DTNB: variants seen among roughly 807,000 people sequenced by gnomAD.
DTNB encodes dystrobrevin beta.
Under a neutral mutation model 90.7 loss-of-function variants are expected in DTNB, and 63 were observed. That is an observed-to-expected ratio of 0.69 (90% CI 0.57 to 0.86). DTNB has a LOEUF of 0.86. Among genes scored for constraint, DTNB ranks in the 40% least tolerant of loss-of-function variants. The pLI, the probability that DTNB is intolerant of heterozygous loss-of-function variation, is 0.00. For missense variants in DTNB, 744 were observed against 807.1 expected (o/e 0.92, Z 0.95); for synonymous variants, 277 against 286.7 (o/e 0.97, Z 0.34).
At chr2:25,621,609 ATTTTTTTT>A (rs758895953) in intron 4 of DTNB, among the ~76,000 whole-genome samples, 1 of 106,000 alleles carries the variant, frequency 9.4e-6, no homozygotes, top group African/African-American at 4.1e-5. Flanking sequence ...TGCCTGGCTA[ATTTTTTTT>A]TTTTTTTTTT....
At chr2:25,484,761 CTCTCTAGGCTAGAAGTCA>C (rs2065785711) in intron 9 of DTNB, among the ~76,000 whole-genome samples, 1 of 152,160 alleles carries the variant, frequency 6.6e-6, no homozygotes, top group Admixed American at 6.5e-5. Flanking sequence ...TGAAATATGC[CTCTCTAGGCTAGAAGTCA>C]ATTCCAAGTT....
intron 4 of DTNB, among the ~76,000 whole-genome samples, chr2:25,621,609 AT>A (rs758895953): frequency 0.037 from 3,918 of 105,988 alleles, 151 homozygotes; most frequent in African/African-American, 0.11. Flanking sequence ...TGCCTGGCTA[AT>A]TTTTTTTTTT....
chr2:25,494,177 A>G (rs945395354), intron 9 of DTNB, among the ~76,000 whole-genome samples: 9 of 152,114 alleles, frequency 5.9e-5, no homozygotes, highest in Non-Finnish European at 8.8e-5. Flanking sequence ...TCTCACTACT[A>G]CTCATGGTGG....
intron 4 of DTNB, among the ~76,000 whole-genome samples, chr2:25,623,512 C>T (rs2073332228): frequency 6.6e-6 from 1 of 152,146 alleles, no homozygotes; most frequent in Non-Finnish European, 1.5e-5. Flanking sequence ...AGCCCAAAGG[C>T]TTCACCTAAA....
At chr2:25,536,276 G>A (rs1330028087) in intron 8 of DTNB, among the ~76,000 whole-genome samples, 2 of 152,208 alleles carry the variant, frequency 1.3e-5, no homozygotes, top group East Asian at 3.9e-4. Flanking sequence ...GCCAGGCAGA[G>A]ATGCTGCTCA....
At chr2:25,497,422 C>T (rs1056784772) in intron 9 of DTNB, 9 of 152,162 alleles carry the variant, frequency 5.9e-5, no homozygotes, top group African/African-American at 1.7e-4. Flanking sequence ...CTTCTAATTG[C>T]CAACTCTTGA....
chr2:25,637,573 G>C (rs1462699000), intron 3 of DTNB, among the ~76,000 whole-genome samples: 1 of 152,184 alleles, frequency 6.6e-6, no homozygotes, highest in African/African-American at 2.4e-5. Context: ...CTTCTCAAAA[G>C]AAAACATTTA....
chr2:25,397,877 CA>C (rs56318909), intron 16 of DTNB, among the ~76,000 whole-genome samples: 1,286 of 73,114 alleles, frequency 0.018, 11 homozygotes, highest in African/African-American at 0.048. Context: ...AAGACTGTCT[CA>C]AAAAAAAAAA....
rs2076750143 is a variant in DTNB, at chr2:25,634,679, G to T, written c.148+4335C>A. On this transcript the variant is annotated intron_variant, in intron 3 of 20. Transcript: ENST00000406818. ...TGCCGTGTCTGTGTAGAAAGAGGTA[G>T]ACATGGGAGACTTCTCATTTTGTTC... is the stretch of plus-strand genomic sequence containing the variant. Among the ~76,000 whole-genome samples, 2 of 116,116 alleles carry T rather than the reference G, an allele frequency of 1.7e-5. 1 individual carries two copies. The highest frequency in any genetic ancestry group is 5.4e-5 in the African/African-American group (2 of 37,258). The allele number at this position is 116,116 out of a possible 152,430, so 76.2% of individuals were successfully genotyped here.
intron 8 of DTNB, among the ~76,000 whole-genome samples, chr2:25,536,602 C>T (rs998794731): frequency 5.3e-5 from 8 of 151,960 alleles, no homozygotes; most frequent in East Asian, 1.9e-4. Context: ...CTCAGCAGGC[C>T]GAGGCAAGAG....
chr2:25,551,340 G>GAA (rs2151106528), intron 8 of DTNB, among the ~76,000 whole-genome samples: 1 of 152,268 alleles, frequency 6.6e-6, no homozygotes, highest in Non-Finnish European at 1.5e-5. Context: ...GTATAAATCT[G>GAA]CTTTTGATAT....
intron 1 of DTNB, 110 bp from the exon 2 acceptor site, chr2:25,652,771 T>A: frequency 1.9e-6 from 2 of 1,034,506 alleles, no homozygotes; most frequent in Middle Eastern, 2.1e-4. Context: ...AATGCACATT[T>A]TAAGACAGTA....
intron 1 of DTNB, among the ~76,000 whole-genome samples, chr2:25,667,005 T>C (rs2084609272): frequency 6.6e-6 from 1 of 151,964 alleles, no homozygotes; most frequent in Non-Finnish European, 1.5e-5. Flanking sequence ...GGATCGAAAA[T>C]AGCCCAATTA....
Position 25,379,339 on chromosome 2 carries a change from C to T in DTNB, c.1880-16G>A. The T allele has an allele frequency of 7.6e-7, 1 of 1,314,180 alleles. No homozygotes were observed. The highest frequency in any genetic ancestry group is 9.8e-7 in the Non-Finnish European group (1 of 1,022,286). 81.4% of individuals were successfully genotyped at this position (1,314,180 alleles called of 1,614,324 possible). On this transcript the variant is annotated splice_polypyrimidine_tract_variant and intron_variant, in intron 19 of 20. Coordinates refer to ENST00000406818, the MANE Select transcript of DTNB (RefSeq NM_021907.5). ...CTCTGCTAACCTGTGGCAGCATGGGCAGAAACAACACACTGAGGTCACGGC... is the reference window on the plus strand; with the variant it reads ...CTCTGCTAACCTGTGGCAGCATGGGTAGAAACAACACACTGAGGTCACGGC...
At chr2:25,650,225 G>A in intron 2 of DTNB, 1 of 985,482 alleles carries the variant, frequency 1.0e-6, no homozygotes, top group Non-Finnish European at 1.2e-6. Flanking sequence ...CTGTGTTTGT[G>A]TATTTGGTTT....
intron 4 of DTNB, among the ~76,000 whole-genome samples, chr2:25,616,459 G>C (rs2070543332): frequency 6.6e-6 from 1 of 151,900 alleles, no homozygotes; most frequent in South Asian, 2.1e-4. Context: ...CCTAGATTCA[G>C]AGACTCTCAT....
chr2:25,419,447 T>C, intron 16 of DTNB, 68 bp downstream of exon 16: 1 of 1,550,494 alleles, frequency 6.4e-7, no homozygotes, highest in Non-Finnish European at 8.7e-7. Flanking sequence ...AGGAGAAACA[T>C]TTATATGAGG....
At chr2:25,584,352 C>T (rs1032850987) in intron 6 of DTNB, among the ~76,000 whole-genome samples, 6 of 152,062 alleles carry the variant, frequency 3.9e-5, no homozygotes, top group Non-Finnish European at 7.4e-5. Context: ...CATATCACAA[C>T]AGATTGAATG....
At chr2:25,572,874 A>C (rs2060094123) in intron 8 of DTNB, among the ~76,000 whole-genome samples, 1 of 152,132 alleles carries the variant, frequency 6.6e-6, no homozygotes, top group Admixed American at 6.5e-5. Flanking sequence ...AACTAACAGA[A>C]GCCACCTGGA....
Sources: allele counts gnomAD v4.1 joint callset (sites outside exome capture counted in the v4.1 genomes callset), GRCh38; gene constraint gnomAD v4.1.1; transcripts MANE v1.5; gene names NCBI Gene and HGNC (gene_info 2026-07-23, HGNC 2026-07-21).